Variants in DAPK1 observed in about 807,000 individuals in gnomAD.
The protein encoded by DAPK1 is death associated protein kinase 1, also known as death-associated protein kinase 1.
DAPK1 carries 56 observed loss-of-function variants against 144.9 expected under a neutral mutation model. That is an observed-to-expected ratio of 0.39 (90% CI 0.31 to 0.48). The LOEUF (loss-of-function observed/expected upper bound fraction) is 0.48, where lower values mean the gene tolerates loss of function less well. Among genes scored for constraint, DAPK1 ranks in the 20% least tolerant of loss-of-function variants. DAPK1 has a pLI of 0.95. For missense variants in DAPK1, 1,454 were observed against 1,875.4 expected (o/e 0.78, Z 4.15); for synonymous variants, 690 against 749.0 (o/e 0.92, Z 1.29).
At chr9:87,622,197 G>A (rs977260344) in intron 3 of DAPK1, among the ~76,000 whole-genome samples, 2 of 151,604 alleles carry the variant, frequency 1.3e-5, no homozygotes, top group Non-Finnish European at 2.9e-5. Flanking sequence ...TTTCCCATGC[G>A]CCCTCGCTCC....
Position 87,640,478 on chromosome 9 carries a change from T to A in DAPK1, c.782+28T>A, listed in dbSNP as rs36211676. The A allele has an allele frequency of 5.6e-3, 9,081 of 1,609,546 alleles. 415 individuals are homozygous for A. In the African/African-American group the frequency reaches 0.1, roughly 18 times the overall value. Reference sequence around the variant, plus strand: ...GAGTGTCCACGTTCCTGAAAGGTGCTTGGCCACGGCCTCAGCCAGCCCAGA... The same window carrying A: ...GAGTGTCCACGTTCCTGAAAGGTGCATGGCCACGGCCTCAGCCAGCCCAGA... On this transcript the variant is annotated intron_variant, in intron 8 of 25. Transcript: ENST00000408954.
rs913381051 is a variant in DAPK1 at position 87,706,735 on chromosome 9, G to A, written c.3664G>A (p.Val1222Ile). ...LDSVCSTIEN[V>I]MATTLPGLLT... ...CTCGGTGTGCAGCACCATTGAGAAC[G>A]TCATGGCCACCACGCTGCCAGGGCT... The change falls in exon 26 of 26, where the codon GTC becomes ATC. Residue 1222 changes from valine (V) to isoleucine (I), a missense_variant. By Grantham distance (29) the Val-to-Ile change is conservative. Transcript: ENST00000408954. The surrounding 1 kb of genome is among the most constrained non-coding windows in gnomAD (Gnocchi z 9.0). The A allele has an allele frequency of 2.5e-6, 4 of 1,613,274 alleles. No homozygotes were observed. The highest frequency in any genetic ancestry group is 2.2e-5 in the East Asian group (1 of 44,856).
chr9:87,702,637 CAAAATCTATTT>C (rs1414871460), intron 24 of DAPK1, among the ~76,000 whole-genome samples: 2 of 152,108 alleles, frequency 1.3e-5, no homozygotes, highest in African/African-American at 4.8e-5. Context: ...CTAGAAGACT[CAAAATCTATTT>C]AACATGAACT....
intron 2 of DAPK1, among the ~76,000 whole-genome samples, chr9:87,516,801 G>A (rs557688463): frequency 5.3e-5 from 8 of 152,102 alleles, no homozygotes; most frequent in Non-Finnish European, 1.0e-4. Context: ...GTGGATTGGA[G>A]AAGCTTGAAG....
intron 3 of DAPK1, among the ~76,000 whole-genome samples, chr9:87,615,382 C>T (rs1367825200): frequency 6.6e-6 from 1 of 152,186 alleles, no homozygotes; most frequent in Non-Finnish European, 1.5e-5. Flanking sequence ...GTTTCATTTC[C>T]AGCCTCTGAA....
intron 25 of DAPK1, among the ~76,000 whole-genome samples, chr9:87,703,991 T>C (rs1825547594): frequency 6.6e-6 from 1 of 152,164 alleles, no homozygotes; most frequent in Non-Finnish European, 1.5e-5. Flanking sequence ...AAAAGCCAGA[T>C]GCTTACCTCC....
At chr9:87,656,982 C>T (rs1323353224) in intron 17 of DAPK1, among the ~76,000 whole-genome samples, 1 of 152,058 alleles carries the variant, frequency 6.6e-6, no homozygotes, top group Non-Finnish European at 1.5e-5. Flanking sequence ...TTCTAGGTTG[C>T]TTGGATTTTT....
chr9:87,516,994 G>A (rs1039329427), intron 2 of DAPK1, among the ~76,000 whole-genome samples: 1 of 152,120 alleles, frequency 6.6e-6, no homozygotes, highest in Non-Finnish European at 1.5e-5. Flanking sequence ...GGGGTCACCA[G>A]TACATGCCAC....
At chr9:87,623,191 TTAA>T (rs947263069) in intron 3 of DAPK1, among the ~76,000 whole-genome samples, 3 of 152,206 alleles carry the variant, frequency 2.0e-5, no homozygotes, top group African/African-American at 7.2e-5. Context: ...CCTGCTGGTA[TTAA>T]TAAATCATGG....
chr9:87,689,359 G>A (rs1262710193), intron 21 of DAPK1, among the ~76,000 whole-genome samples: 8 of 151,730 alleles, frequency 5.3e-5, no homozygotes, highest in Admixed American at 5.3e-4. Context: ...CTTTTTGATG[G>A]GATTGTTTGT....
chr9:87,590,194 A>G (rs764601839), intron 2 of DAPK1, among the ~76,000 whole-genome samples: 6 of 152,138 alleles, frequency 3.9e-5, no homozygotes, highest in Non-Finnish European at 5.9e-5. Flanking sequence ...ATTGCCAGCA[A>G]TGATAGGAGA....
intron 2 of DAPK1, among the ~76,000 whole-genome samples, chr9:87,547,304 A>G: frequency 6.6e-6 from 1 of 152,192 alleles, no homozygotes; most frequent in South Asian, 2.1e-4. Context: ...GTCTTCACAA[A>G]CCTGTTACTG....
Position 87,651,628 on chromosome 9 carries a change from C to A in DAPK1, c.1728C>A (p.His576Gln), listed in dbSNP as rs768808389. 1.1e-5 allele frequency: 17 copies of A among 1,614,184 alleles called. No homozygotes were observed. The highest frequency in any genetic ancestry group is 1.4e-5 in the Non-Finnish European group (16 of 1,180,026). Residue 576 changes from histidine to glutamine, a missense_variant, in exon 17 of 26, where the codon CAC (histidine) becomes CAA (glutamine). Coordinates refer to ENST00000408954, the MANE Select transcript of DAPK1 (RefSeq NM_004938.4). Reference protein sequence around the residue: ...QGCFVDYQDRHGNTPLHVACK... With the variant: ...QGCFVDYQDRQGNTPLHVACK... ...GTTTCGTCGATTATCAAGACAGGCACGGCAATACTCCCCTCCATGTGGCAT... is the reference window on the plus strand; with the variant it reads ...GTTTCGTCGATTATCAAGACAGGCAAGGCAATACTCCCCTCCATGTGGCAT...
In DAPK1 at chr9:87,664,876, G is replaced by A. The variant is rs1002456298; in HGVS notation, c.1924-3721G>A. ...CTCCCTGACCCCCATCTCCTGTTCCGCCTCCTCCCGTCTCCCTCCACATCA... is the reference window on the plus strand; with the variant it reads ...CTCCCTGACCCCCATCTCCTGTTCCACCTCCTCCCGTCTCCCTCCACATCA... On this transcript the variant is annotated intron_variant, in intron 18 of 25. Transcript: ENST00000408954. Among the ~76,000 whole-genome samples, 5 of 152,166 alleles carry A rather than the reference G, an allele frequency of 3.3e-5. No homozygotes were observed. In the East Asian group the frequency reaches 5.8e-4, roughly 18 times the overall value.
At chr9:87,656,731 C>T (rs1020117738) in intron 17 of DAPK1, among the ~76,000 whole-genome samples, 2 of 152,198 alleles carry the variant, frequency 1.3e-5, no homozygotes, top group African/African-American at 2.4e-5. Context: ...TGTGATCCCT[C>T]CCGTTACAGG....
chr9:87,667,021 T>C (rs1831084614), intron 18 of DAPK1, among the ~76,000 whole-genome samples: 2 of 152,218 alleles, frequency 1.3e-5, no homozygotes, highest in African/African-American at 2.4e-5. Context: ...ATGTACCCCA[T>C]ACTGCTGACA....
intron 2 of DAPK1, among the ~76,000 whole-genome samples, chr9:87,571,462 C>CCA (rs1564000702): frequency 3.1e-5 from 2 of 65,452 alleles, no homozygotes; most frequent in South Asian, 5.5e-4. Context: ...CACACACACA[C>CCA]ACACACACAC....
At chr9:87,605,301 T>C in intron 3 of DAPK1, 126 bp downstream of exon 3, 1 of 760,068 alleles carries the variant, frequency 1.3e-6, no homozygotes, top group Non-Finnish European at 2.2e-6. Context: ...CTGTATGAGG[T>C]GTGTGAGAAC....
At chr9:87,663,093 G>A (rs1008359719) in intron 18 of DAPK1, among the ~76,000 whole-genome samples, 19 of 151,714 alleles carry the variant, frequency 1.3e-4, no homozygotes, top group South Asian at 8.3e-4. Context: ...TTCCCTCTCC[G>A]CTGAGTCCTC....
Sources: gnomAD v4.1 joint callset for allele counts (sites outside exome capture counted in the v4.1 genomes callset) on GRCh38, gnomAD v4.1.1 for gene constraint, Gnocchi (gnomAD v3.1) non-coding constraint, MANE v1.5 for transcripts, NCBI Gene and HGNC (gene_info 2026-07-23, HGNC 2026-07-21) for gene names.